Variants in OAS1 observed in about 807,000 individuals in gnomAD.
OAS1 encodes 2'-5'-oligoadenylate synthetase 1, also known as 2'-5'-oligoadenylate synthase 1.
A neutral mutation model predicts 38.5 loss-of-function variants in OAS1; 24 were observed. The ratio of observed to expected loss-of-function variants is 0.62; its 90% CI spans 0.45 to 0.88. OAS1 has a LOEUF of 0.88. Ranked by LOEUF, OAS1 falls within the 40% of genes least tolerant of loss-of-function variation. The pLI is 0.00. For missense variants in OAS1, 482 were observed against 493.9 expected (o/e 0.98, Z 0.23); for synonymous variants, 169 against 193.9 (o/e 0.87, Z 1.07).
chr12:112,909,897 A>T (rs1459361731), intron 2 of OAS1, among the ~76,000 whole-genome samples: 1 of 152,196 alleles, frequency 6.6e-6, no homozygotes, highest in African/African-American at 2.4e-5. Context: ...ATTAGTGATT[A>T]ATTATCAAGT....
intron 4 of OAS1, among the ~76,000 whole-genome samples, chr12:112,917,146 G>A (rs1267823646): frequency 6.6e-6 from 1 of 152,188 alleles, no homozygotes; most frequent in African/African-American, 2.4e-5. Context: ...TTACTGATAT[G>A]TATGTTATGT....
In OAS1 at chr12:112,907,194, C is replaced by CTG; in HGVS notation, c.165_166dup (p.Ser56CysfsTer5). On this transcript the variant is annotated frameshift_variant, in exon 1 of 6. Transcript: ENST00000202917. LOFTEE classifies it high-confidence loss of function. ...AGGTGCTTCCGAGGTAGCTCCTACC[C>CTG]TGTGTGTGTGTCCAAGGTGGTAAAG... The CTG allele has an allele frequency of 1.2e-6, 2 of 1,614,120 alleles. No homozygotes were observed. The highest frequency in any genetic ancestry group is 1.7e-6 in the Non-Finnish European group (2 of 1,180,004).
At chr12:112,917,133 A>G (rs2043471886) in intron 4 of OAS1, among the ~76,000 whole-genome samples, 2 of 152,236 alleles carry the variant, frequency 1.3e-5, no homozygotes, top group Non-Finnish European at 2.9e-5. Flanking sequence ...ATTATTAGCA[A>G]TATTACTGAT....
At chr12:112,912,157 G>A (rs1013749266) in intron 3 of OAS1, among the ~76,000 whole-genome samples, 2 of 152,120 alleles carry the variant, frequency 1.3e-5, no homozygotes, top group African/African-American at 2.4e-5. Context: ...GAGCAACATG[G>A]CAAAACCTCG....
Position 112,911,230 on chromosome 12 carries a change from C to G in OAS1, c.649C>G (p.Gln217Glu). 1 of 1,596,418 alleles carries G rather than the reference C, an allele frequency of 6.3e-7. No individual in the cohort carries two copies. Among genetic ancestry groups the G allele is most frequent in the South Asian group, 1.1e-5 (1 of 90,436 alleles). Residue 217 changes from glutamine (Q) to glutamate (E), a missense_variant, in exon 3 of 6, where the codon CAA becomes GAA. Gln to Glu is a conservative substitution (Grantham distance 29). Transcript: ENST00000202917. Reference sequence around the variant, plus strand: ...CATCCGCCTAGTCAAGCACTGGTACCAAAATGTATGGCCCTCCCACCAGGC... The same window carrying G: ...CATCCGCCTAGTCAAGCACTGGTACGAAAATGTATGGCCCTCCCACCAGGC... ...SLIRLVKHWY[Q>E]NCKKKLGKLP...
At position 112,916,666 on chromosome 12, in the gene OAS1, A is replaced by T. The variant is rs765350920; in HGVS notation, c.812A>T (p.Tyr271Phe). Residue 271 changes from tyrosine (Y) to phenylalanine (F), a missense_variant, in exon 4 of 6, where the codon TAC becomes TTC. By Grantham distance (22) the Tyr-to-Phe change is conservative. Coordinates refer to ENST00000202917, the MANE Select transcript of OAS1 (RefSeq NM_016816.4). ...LVINYQQLCI[Y>F]WTKYYDFKNP... ...ATAAACTACCAGCAACTCTGCATCTACTGGACAAAGTATTATGACTTTAAA... is the reference window on the plus strand; with the variant it reads ...ATAAACTACCAGCAACTCTGCATCTTCTGGACAAAGTATTATGACTTTAAA... 61 of 1,614,018 alleles carry T rather than the reference A, an allele frequency of 3.8e-5. No homozygotes were observed. Among genetic ancestry groups the T allele is most frequent in the Non-Finnish European group, 4.9e-5 (58 of 1,180,036 alleles).
chr12:112,922,199 T>C (rs2043534151), downstream of OAS1, among the ~76,000 whole-genome samples: 2 of 152,192 alleles, frequency 1.3e-5, no homozygotes. Flanking sequence ...ACCATTACTA[T>C]ATATGCTATG....
chr12:112,909,105 A>G (rs2043342141), intron 2 of OAS1: 1 of 419,222 alleles, frequency 2.4e-6, no homozygotes, highest in African/African-American at 2.0e-5. Flanking sequence ...ATCTTTCTAA[A>G]ATCAGGCAGC....
In OAS1 at chr12:112,907,216, A is replaced by G. The variant is rs1444302435; in HGVS notation, c.177A>G (p.Val59=). The G allele has an allele frequency of 6.2e-7, 1 of 1,613,984 alleles. No homozygotes were observed. The highest frequency in any genetic ancestry group is 1.3e-5 in the African/African-American group (1 of 74,908). ...SSYPVCVSKV[V]KGGSSGKGTT... is the part of the protein sequence containing the mutation. ...ACCCTGTGTGTGTGTCCAAGGTGGT[A>G]AAGGTGAGTCCAGGCCTGCCTGGCC... is the stretch of plus-strand genomic sequence containing the variant. The change falls in exon 1 of 6, where the codon GTA becomes GTG. Residue 59 remains valine, a synonymous_variant. Coordinates refer to ENST00000202917, the MANE Select transcript of OAS1 (RefSeq NM_016816.4).
intron 2 of OAS1, among the ~76,000 whole-genome samples, 156 bp from the exon 3 acceptor site, chr12:112,910,895 A>C (rs549946949): frequency 6.6e-6 from 1 of 152,068 alleles, no homozygotes; most frequent in Non-Finnish European, 1.5e-5. Context: ...TGGAGAGGGC[A>C]GGAGGGAGGA....
chr12:112,931,908 T>C (rs1167383158), exon 7 of OAS1: 1 of 615,810 alleles, frequency 1.6e-6, no homozygotes, highest in South Asian at 1.5e-5. Context: ...CAGAAGGAAC[T>C]ATACCAATAA....
chr12:112,925,218 C>T (rs2043551096), intron 6 of OAS1, among the ~76,000 whole-genome samples: 2 of 152,128 alleles, frequency 1.3e-5, no homozygotes, highest in East Asian at 3.9e-4. Context: ...TGTTAGGTCT[C>T]CCAGCTCAAC....
Sources: allele counts gnomAD v4.1 joint callset (sites outside exome capture counted in the v4.1 genomes callset), GRCh38; gene constraint gnomAD v4.1.1; transcripts MANE v1.5; gene names NCBI Gene and HGNC (gene_info 2026-07-23, HGNC 2026-07-21).